Variants in GALK2 observed in about 807,000 individuals in gnomAD.
GALK2 encodes the protein galactokinase 2.
GALK2 carries 36 observed loss-of-function variants against 52.4 expected under a neutral mutation model. The ratio of observed to expected loss-of-function variants is 0.69; its 90% CI spans 0.53 to 0.91. The LOEUF is 0.91. GALK2 is among the 40% of genes least tolerant of loss of function. The pLI, the probability that GALK2 is intolerant of heterozygous loss-of-function variation, is 0.00. For missense variants in GALK2, 579 were observed against 559.1 expected (o/e 1.04, Z -0.36); for synonymous variants, 176 against 199.1 (o/e 0.88, Z 0.98).
chr15:49,329,303 T>C lies in GALK2; in HGVS notation c.*1144T>C. ...CAAATGACTGGCTTTCTCTTGTGGA[T>C]GGACTATAGGAAGCACTTTCTGAAT... On this transcript the variant is annotated 3_prime_UTR_variant, in exon 10 of 10. Coordinates refer to ENST00000560031, the MANE Select transcript of GALK2 (RefSeq NM_002044.4). 1 of 985,448 alleles carries C rather than the reference T, an allele frequency of 1.0e-6. No homozygotes were observed. The highest frequency in any genetic ancestry group is 1.2e-6 in the Non-Finnish European group (1 of 829,962). 61.0% of individuals were successfully genotyped at this position (985,448 alleles called of 1,614,324 possible).
At chr15:49,293,490 C>T (rs772151673) in intron 8 of GALK2, among the ~76,000 whole-genome samples, 20 of 152,226 alleles carry the variant, frequency 1.3e-4, no homozygotes, top group Non-Finnish European at 2.8e-4. Context: ...TACTACAACA[C>T]GGCCATGTAT....
intron 1 of GALK2, among the ~76,000 whole-genome samples, chr15:49,180,759 A>G (rs951967738): frequency 6.6e-6 from 1 of 152,018 alleles, no homozygotes. Flanking sequence ...TTTCATGTCA[A>G]TTGCCTAGAA....
chr15:49,355,433 C>T (rs1302676333), intron 3 of GALK2, among the ~76,000 whole-genome samples: 4 of 152,150 alleles, frequency 2.6e-5, no homozygotes, highest in Admixed American at 6.5e-5. Context: ...TCGAGAACTA[C>T]GTGAAGAATG....
At chr15:49,225,655 T>C (rs999311834) in intron 3 of GALK2, among the ~76,000 whole-genome samples, 1 of 152,230 alleles carries the variant, frequency 6.6e-6, no homozygotes, top group African/African-American at 2.4e-5. Flanking sequence ...TCTCTGGTGC[T>C]GGCTTACAAG....
intron 3 of GALK2, among the ~76,000 whole-genome samples, chr15:49,232,294 C>G (rs970660956): frequency 6.6e-6 from 1 of 152,216 alleles, no homozygotes; most frequent in Non-Finnish European, 1.5e-5. Flanking sequence ...TCAGCCACCC[C>G]TGGAGGCAGA....
In GALK2 at chr15:49,367,471, T is replaced by C. The variant is rs201015191; in HGVS notation, c.427-20T>C. On this transcript the variant is annotated intron_variant, in intron 3 of 3. Transcript: ENST00000558399. ...ATGGTTCCTGGAATATCTTAGTGAG[T>C]TTAATCTTGGTTTTCTTAGGTGCTT... The C allele has an allele frequency of 1.6e-5, 26 of 1,594,204 alleles. No individual in the cohort carries two copies. The East Asian group carries it at 5.2e-4, about 32-fold the overall frequency.
chr15:49,299,735 TTTTCTTTCTTTC>T (rs869275324), intron 8 of GALK2, among the ~76,000 whole-genome samples: 211 of 77,466 alleles, frequency 2.7e-3, no homozygotes, highest in East Asian at 5.1e-3. Flanking sequence ...TCTTTCTTTC[TTTTCTTTCTTTC>T]TTTCTTTCTT....
rs556556129 is a variant in GALK2 at position 49,173,804 on chromosome 15, A to G, written c.53+3429A>G. On this transcript the variant is annotated intron_variant, in intron 1 of 9. Transcript: ENST00000560031. ...GCTCTGTTGGCTGGAGTGCAGTGGC[A>G]CTATCTTGGCTCACTGCAGCCTCCG... Among the ~76,000 whole-genome samples the G allele has an allele frequency of 1.4e-4, 21 of 152,104 alleles. No homozygotes were observed. The South Asian group carries it at 4.4e-3, about 32-fold the overall frequency.
intron 3 of GALK2, among the ~76,000 whole-genome samples, chr15:49,229,420 ATTG>A (rs943468842): frequency 2.6e-5 from 4 of 152,056 alleles, no homozygotes; most frequent in Non-Finnish European, 5.9e-5. Flanking sequence ...AGCATTCTGC[ATTG>A]TTGTTGGTGG....
At chr15:49,226,970 T>A (rs1369184700) in intron 3 of GALK2, among the ~76,000 whole-genome samples, 1 of 152,236 alleles carries the variant, frequency 6.6e-6, no homozygotes, top group Non-Finnish European at 1.5e-5. Context: ...CTAGTTTTAT[T>A]CTGTTGTATC....
intron 3 of GALK2, chr15:49,353,354 G>A (rs2042530190): frequency 6.6e-6 from 1 of 152,036 alleles, no homozygotes; most frequent in Non-Finnish European, 1.5e-5. Flanking sequence ...CGCCTGTTTG[G>A]GATCACACTG....
chr15:49,175,041 T>G (rs141280359), intron 1 of GALK2, among the ~76,000 whole-genome samples: 42 of 152,298 alleles, frequency 2.8e-4, no homozygotes, highest in African/African-American at 8.9e-4. Flanking sequence ...TCATACATAT[T>G]CAGTAGGTTT....
intron 1 of GALK2, among the ~76,000 whole-genome samples, chr15:49,192,325 T>C (rs2086783840): frequency 6.6e-6 from 1 of 151,762 alleles, no homozygotes; most frequent in Non-Finnish European, 1.5e-5. Flanking sequence ...AGTCGCTAGA[T>C]CAACATTTCT....
chr15:49,363,916 T>C (rs2044681232), intron 3 of GALK2, among the ~76,000 whole-genome samples: 1 of 152,204 alleles, frequency 6.6e-6, no homozygotes, highest in Non-Finnish European at 1.5e-5. Context: ...ATGAATCACA[T>C]TTATTGATTT....
At chr15:49,158,003 T>A (rs936330787) in intron 1 of GALK2, among the ~76,000 whole-genome samples, 1 of 151,450 alleles carries the variant, frequency 6.6e-6, no homozygotes, top group African/African-American at 2.4e-5. Flanking sequence ...AATAATGAAT[T>A]TTTTTTTTGT....
chr15:49,201,100 GTATGT>G (rs1379865755), intron 1 of GALK2, 57 bp from the exon 2 acceptor site: 12 of 791,164 alleles, frequency 1.5e-5, no homozygotes, highest in Non-Finnish European at 2.0e-5. Context: ...GTATGTGTGT[GTATGT>G]TATGTTACGG....
At chr15:49,201,134 T>C in intron 1 of GALK2, 28 bp from the exon 2 acceptor site, 1 of 1,252,862 alleles carries the variant, frequency 8.0e-7, no homozygotes, top group Non-Finnish European at 1.2e-6. Context: ...TTATATGATA[T>C]TCTGAAATAT....
At chr15:49,228,688 T>TATATATATATTTATTTA in intron 3 of GALK2, among the ~76,000 whole-genome samples, 4 of 10,450 alleles carry the variant, frequency 3.8e-4, no homozygotes, top group African/African-American at 1.4e-3. Context: ...TATATATATA[T>TATATATATATTTATTTA]TTTTTTTTTT....
intron 5 of GALK2, among the ~76,000 whole-genome samples, chr15:49,268,890 T>G (rs2029902316): frequency 1.3e-5 from 2 of 152,210 alleles, no homozygotes; most frequent in African/African-American, 4.8e-5. Context: ...CTACCAATAG[T>G]GTGCTAAACT....
Sources: allele counts gnomAD v4.1 joint callset (sites outside exome capture counted in the v4.1 genomes callset), GRCh38; gene constraint gnomAD v4.1.1; transcripts MANE v1.5; gene names NCBI Gene and HGNC (gene_info 2026-07-23, HGNC 2026-07-21).